Variants in SRGAP3 observed in about 807,000 individuals in gnomAD.
SRGAP3 encodes SLIT-ROBO Rho GTPase-activating protein 3.
SRGAP3 carries 39 observed loss-of-function variants against 121.1 expected under a neutral mutation model. The observed-to-expected ratio is 0.32, with a 90% CI of 0.25 to 0.42. SRGAP3 has a LOEUF of 0.42. SRGAP3 is among the 10% of genes least tolerant of loss of function. The pLI is 1.00. For synonymous variants in SRGAP3, 601 were observed against 570.0 expected (o/e 1.05, Z -0.77); for missense variants, 1,213 against 1,470.6 (o/e 0.82, Z 2.86).
rs780664685 is a variant in SRGAP3 at position 9,204,628 on chromosome 3, G to A, written c.67+44257C>T. On this transcript the variant is annotated intron_variant, in intron 1 of 21. Coordinates refer to ENST00000383836, the MANE Select transcript of SRGAP3 (RefSeq NM_014850.4). ...GGGGGAAAACATTCTACACCCAAAC[G>A]AGGTACCAACTCTCCCTAAGGTCTT... 4.3e-4 allele frequency among the ~76,000 whole-genome samples: 63 copies of A among 147,872 alleles called. 1 individual carries two copies. The highest frequency in any genetic ancestry group is 2.0e-4 in the East Asian group (1 of 4,992).
chr3:8,988,981 G>T (rs776914449), intron 21 of SRGAP3, among the ~76,000 whole-genome samples: 1 of 152,134 alleles, frequency 6.6e-6, no homozygotes, highest in Non-Finnish European at 1.5e-5. Flanking sequence ...TCCATGGCCC[G>T]GGGGCTGGGG....
At chr3:9,329,811 G>A (rs1955576049) in intron 2 of SRGAP3, among the ~76,000 whole-genome samples, 2 of 152,040 alleles carry the variant, frequency 1.3e-5, no homozygotes, top group South Asian at 2.1e-4. Flanking sequence ...CATGTCCCAC[G>A]ATCCTGTACA....
chr3:9,016,709 T>C (rs1943657403), intron 14 of SRGAP3, among the ~76,000 whole-genome samples: 1 of 152,240 alleles, frequency 6.6e-6, no homozygotes, highest in Non-Finnish European at 1.5e-5. Context: ...TTTCACCCAA[T>C]GGTTTTAGCA....
At chr3:9,124,589 C>T (rs1474936873) in intron 2 of SRGAP3, 136 bp downstream of exon 2, 10 of 1,112,604 alleles carry the variant, frequency 9.0e-6, no homozygotes, top group African/African-American at 1.5e-5. Context: ...GTGTAAGTAA[C>T]CTGCAGAGCC....
At position 9,222,128 on chromosome 3, in the gene SRGAP3, A is replaced by G. The variant is rs149332716; in HGVS notation, c.67+26757T>C. On this transcript the variant is annotated intron_variant, in intron 1 of 21. Coordinates refer to ENST00000383836, the MANE Select transcript of SRGAP3 (RefSeq NM_014850.4). The stretch of plus-strand genomic sequence containing the variant: ...ATCCCTTCAGAGTTAGGGAGGAGGC[A>G]TCACAGACAAATGAGAGAGAGAATA... Among the ~76,000 whole-genome samples the G allele has an allele frequency of 1.1e-3, 166 of 152,338 alleles. 1 individual carries two copies. Among genetic ancestry groups the G allele is most frequent in the African/African-American group, 3.9e-3 (164 of 41,584 alleles).
chr3:9,168,469 T>A (rs1175621244), intron 1 of SRGAP3, among the ~76,000 whole-genome samples: 1 of 152,220 alleles, frequency 6.6e-6, no homozygotes, highest in Non-Finnish European at 1.5e-5. Flanking sequence ...GCCCAGCACA[T>A]CACGCATGAG....
chr3:9,309,499 C>A (rs563614349), intron 3 of SRGAP3, among the ~76,000 whole-genome samples: 4 of 152,162 alleles, frequency 2.6e-5, no homozygotes, highest in South Asian at 2.1e-4. Context: ...TCCAACCCTG[C>A]GCTTTCAGGG....
At chr3:9,028,459 C>T (rs531503920) in intron 12 of SRGAP3, among the ~76,000 whole-genome samples, 1 of 152,274 alleles carries the variant, frequency 6.6e-6, no homozygotes, top group South Asian at 2.1e-4. Flanking sequence ...CATTCCCATC[C>T]CTGTACCTAG....
At chr3:9,064,656 A>G (rs1374372970) in intron 4 of SRGAP3, 75 bp from the exon 5 acceptor site, 10 of 1,551,706 alleles carry the variant, frequency 6.4e-6, no homozygotes, top group South Asian at 1.2e-5. Flanking sequence ...TCCTGGCTCC[A>G]TACCAAGTTC....
At chr3:9,273,727 T>A (rs759005272) in intron 3 of SRGAP3, among the ~76,000 whole-genome samples, 4 of 152,222 alleles carry the variant, frequency 2.6e-5, no homozygotes, top group Non-Finnish European at 4.4e-5. Context: ...AGGTCTTACA[T>A]TGAAGTCTTT....
chr3:9,000,124 G>T (rs1942663643), intron 18 of SRGAP3, among the ~76,000 whole-genome samples: 2 of 152,182 alleles, frequency 1.3e-5, no homozygotes, highest in South Asian at 4.1e-4. Flanking sequence ...TCTAGTCACA[G>T]GGCTTTCTTC....
chr3:9,203,716 G>A (rs1353149738), intron 1 of SRGAP3, among the ~76,000 whole-genome samples: 1 of 152,202 alleles, frequency 6.6e-6, no homozygotes, highest in Non-Finnish European at 1.5e-5. Flanking sequence ...CCACCTCAGA[G>A]CCTGGAACAT....
chr3:9,348,829 T>A, intron 1 of SRGAP3: 3 of 1,346,756 alleles, frequency 2.2e-6, no homozygotes, highest in Non-Finnish European at 3.2e-6. Context: ...AGCCCGACCA[T>A]CCTTTCTACA....
intron 3 of SRGAP3, among the ~76,000 whole-genome samples, chr3:9,313,678 TA>T (rs200875584): frequency 5.0e-4 from 69 of 138,246 alleles, no homozygotes; most frequent in East Asian, 2.7e-3. Context: ...CTCTATGTCT[TA>T]AAAAAAAAAA....
chr3:9,174,964 A>C (rs1467137145), intron 1 of SRGAP3, among the ~76,000 whole-genome samples: 1 of 152,100 alleles, frequency 6.6e-6, no homozygotes, highest in Non-Finnish European at 1.5e-5. Flanking sequence ...CATTCCGTGG[A>C]CTGGGAGGAC....
At chr3:9,060,155 G>T in intron 6 of SRGAP3, 76 bp downstream of exon 6, 5 of 1,607,546 alleles carry the variant, frequency 3.1e-6, no homozygotes, top group Non-Finnish European at 4.3e-6. Context: ...ACAAAGACCA[G>T]CCCCTCCTTC....
rs991476189 is a variant in SRGAP3 at position 9,030,166 on chromosome 3, A to AATGG, written c.1539+2483_1539+2484insCCAT. ...GACTGCCTCAATAAATGAATGAATG[A>AATGG]ATGAATGAATGAATGAATGAATGAA... On this transcript the variant is annotated intron_variant, in intron 12 of 21. Transcript: ENST00000383836. Among the ~76,000 whole-genome samples the AATGG allele has an allele frequency of 6.9e-5, 10 of 143,980 alleles. 1 individual carries two copies. Among genetic ancestry groups the AATGG allele is most frequent in the South Asian group, 6.3e-4 (3 of 4,786 alleles). 94.5% of individuals were successfully genotyped at this position (143,980 alleles called of 152,430 possible).
intron 3 of SRGAP3, among the ~76,000 whole-genome samples, chr3:9,320,597 T>C (rs1279647876): frequency 2.6e-5 from 4 of 151,984 alleles, no homozygotes; most frequent in Non-Finnish European, 5.9e-5. Context: ...GAAGCTGCTA[T>C]GCTTCCTGTA....
At chr3:9,168,581 G>A (rs2125092789) in intron 1 of SRGAP3, among the ~76,000 whole-genome samples, 1 of 152,338 alleles carries the variant, frequency 6.6e-6, no homozygotes, top group African/African-American at 2.4e-5. Context: ...GCCCAAAGGT[G>A]GCAGAATGAA....
Sources: gnomAD v4.1 joint callset for allele counts (sites outside exome capture counted in the v4.1 genomes callset) on GRCh38, gnomAD v4.1.1 for gene constraint, MANE v1.5 for transcripts, NCBI Gene and HGNC (gene_info 2026-07-23, HGNC 2026-07-21) for gene names.